The following FMN1 variants were observed in gnomAD, a reference collection of about 807,000 sequenced individuals.
The protein encoded by FMN1 is formin 1.
A neutral mutation model predicts 132.4 loss-of-function variants in FMN1; 110 were observed. That is an observed-to-expected ratio of 0.83 (90% CI 0.71 to 0.97). The LOEUF is 0.97. Ranked by LOEUF, FMN1 falls within the 50% of genes least tolerant of loss-of-function variation. The probability of loss-of-function intolerance (pLI) is 0.00; values close to 1 mark genes in which losing one functional copy is unlikely to be tolerated. For synonymous variants in FMN1, 722 were observed against 651.7 expected, an observed-to-expected ratio of 1.11 and a Z score of -1.64; for missense variants, 1,792 against 1,705.3, an observed-to-expected ratio of 1.05 and a Z score of -0.90.
chr15:33,010,132 C>T (rs1270253001), intron 6 of FMN1, among the ~76,000 whole-genome samples: 1 of 152,152 alleles, frequency 6.6e-6, no homozygotes, highest in Non-Finnish European at 1.5e-5. Context: ...GATTCACCCC[C>T]CTCGGCTTCT....
At chr15:32,906,565 G>T (rs917220207) in intron 12 of FMN1, among the ~76,000 whole-genome samples, 2 of 152,174 alleles carry the variant, frequency 1.3e-5, no homozygotes, top group African/African-American at 4.8e-5. Context: ...AGGCTTAGAG[G>T]AGAATATTAC....
At position 32,771,450 on chromosome 15, in the gene FMN1, TATG is replaced by T. The variant is rs1180963905; in HGVS notation, c.*2857_*2859del. 6.6e-6 allele frequency: 1 copy of T among 152,328 alleles called. No homozygotes were observed. Among genetic ancestry groups the T allele is most frequent in the East Asian group, 1.9e-4 (1 of 5,172 alleles). The allele number at this position is 152,328 out of a possible 1,614,324, so 9.4% of individuals were successfully genotyped here. On this transcript the variant is annotated 3_prime_UTR_variant, in exon 21 of 21. Coordinates refer to ENST00000616417, the MANE Select transcript of FMN1 (RefSeq NM_001277313.2). ...TGTACTTTGTGTAATTTATGTAACT[TATG>T]ATATTGTGTGCTCTGATGCTGTCAA... is the stretch of plus-strand genomic sequence containing the variant.
intron 9 of FMN1, among the ~76,000 whole-genome samples, chr15:32,961,063 C>T (rs934178999): frequency 7.2e-6 from 1 of 139,662 alleles, no homozygotes; most frequent in Non-Finnish European, 1.5e-5. Flanking sequence ...CTTTTCAAAA[C>T]ACTGCCTCAA....
At chr15:33,054,189 C>T (rs1325430079) in intron 6 of FMN1, among the ~76,000 whole-genome samples, 1 of 152,194 alleles carries the variant, frequency 6.6e-6, no homozygotes. Context: ...CCACATATTA[C>T]TCCTATTTCT....
intron 5 of FMN1, among the ~76,000 whole-genome samples, chr15:33,088,476 G>C (rs529849461): frequency 6.6e-6 from 1 of 152,284 alleles, no homozygotes; most frequent in East Asian, 1.9e-4. Context: ...TTTAGTAAAA[G>C]GATATTAAGA....
At chr15:32,984,978 C>CAAAAAAAAA (rs11330959) in intron 7 of FMN1, among the ~76,000 whole-genome samples, 44 of 97,236 alleles carry the variant, frequency 4.5e-4, no homozygotes, top group African/African-American at 1.4e-3. Context: ...CATCCATCAC[C>CAAAAAAAAA]AAAAAAAAAA....
At chr15:32,870,997 A>G (rs1272081982) in intron 16 of FMN1, among the ~76,000 whole-genome samples, 1 of 152,180 alleles carries the variant, frequency 6.6e-6, no homozygotes, top group African/African-American at 2.4e-5. Flanking sequence ...AATAGGTAGG[A>G]AAGTTGTGTT....
At chr15:32,986,459 G>GAATT (rs1808691309) in intron 7 of FMN1, among the ~76,000 whole-genome samples, 2 of 152,042 alleles carry the variant, frequency 1.3e-5, no homozygotes, top group Non-Finnish European at 2.9e-5. Context: ...AATTCACAAA[G>GAATT]ATCTGATGTA....
At chr15:33,031,041 T>C (rs1247848341) in intron 6 of FMN1, among the ~76,000 whole-genome samples, 2 of 148,264 alleles carry the variant, frequency 1.3e-5, no homozygotes, top group African/African-American at 2.5e-5. Flanking sequence ...TGTGTTCTCA[T>C]TGTTCAACTC....
chr15:32,789,282 C>G (rs961981644), intron 19 of FMN1, among the ~76,000 whole-genome samples: 1 of 152,090 alleles, frequency 6.6e-6, no homozygotes. Flanking sequence ...ACTGAAGATA[C>G]AGTAAACCCC....
chr15:33,077,089 G>A (rs906445127), intron 5 of FMN1, among the ~76,000 whole-genome samples: 4 of 152,144 alleles, frequency 2.6e-5, no homozygotes, highest in Non-Finnish European at 5.9e-5. Context: ...AGTGCAGTGG[G>A]GGCAATCTCA....
intron 10 of FMN1, 67 bp downstream of exon 10, chr15:32,926,107 A>G: frequency 9.3e-6 from 8 of 857,360 alleles, no homozygotes; most frequent in Non-Finnish European, 1.5e-5. Flanking sequence ...TGTGTTTGAC[A>G]TTCTTCAGAA....
chr15:33,171,560 TA>T (rs1965322303), intron 3 of FMN1, among the ~76,000 whole-genome samples: 1 of 152,238 alleles, frequency 6.6e-6, no homozygotes, highest in South Asian at 2.1e-4. Flanking sequence ...ATTTATAATA[TA>T]AGTAACTTCA....
chr15:32,914,716 A>C (rs1567383000), intron 10 of FMN1, among the ~76,000 whole-genome samples: 1 of 152,242 alleles, frequency 6.6e-6, no homozygotes, highest in Non-Finnish European at 1.5e-5. Context: ...GCAAAAAAGA[A>C]AGACACTACA....
intron 16 of FMN1, among the ~76,000 whole-genome samples, chr15:32,875,059 A>C (rs1028756027): frequency 6.6e-6 from 1 of 152,220 alleles, no homozygotes; most frequent in African/African-American, 2.4e-5. Context: ...ATTGCCATTT[A>C]TCTCTCACTC....
At chr15:32,849,173 A>G (rs1174053187) in intron 17 of FMN1, among the ~76,000 whole-genome samples, 1 of 128,762 alleles carries the variant, frequency 7.8e-6, no homozygotes, top group African/African-American at 2.9e-5. Flanking sequence ...TTGTATTTTT[A>G]GTAGACACGG....
intron 7 of FMN1, among the ~76,000 whole-genome samples, chr15:32,981,308 G>A (rs1440108958): frequency 4.6e-5 from 7 of 151,900 alleles, no homozygotes; most frequent in East Asian, 1.9e-4. Context: ...TGGTTAATAA[G>A]GTGAAACTGC....
intron 7 of FMN1, among the ~76,000 whole-genome samples, chr15:32,995,953 A>G (rs343917): frequency 5.3e-5 from 8 of 152,064 alleles, no homozygotes; most frequent in Non-Finnish European, 8.8e-5. Context: ...AGAATTAGAT[A>G]TAACAGTAAA....
At chr15:32,933,072 G>C (rs2061161759) in intron 9 of FMN1, among the ~76,000 whole-genome samples, 1 of 151,776 alleles carries the variant, frequency 6.6e-6, no homozygotes, top group African/African-American at 2.4e-5. Context: ...GAAGTGTAGA[G>C]TCAGGTTGTT....
Sources: gnomAD v4.1 joint callset for allele counts (sites outside exome capture counted in the v4.1 genomes callset) on GRCh38, gnomAD v4.1.1 for gene constraint, MANE v1.5 for transcripts, NCBI Gene and HGNC (gene_info 2026-07-23, HGNC 2026-07-21) for gene names.